CAST: variants seen among roughly 807,000 people sequenced by gnomAD.
CAST encodes calpastatin.
CAST carries 76 observed loss-of-function variants against 119.6 expected under a neutral mutation model. The ratio of observed to expected loss-of-function variants is 0.64; its 90% confidence interval spans 0.53 to 0.77. The LOEUF (loss-of-function observed/expected upper bound fraction) is 0.77, where lower values mean the gene tolerates loss of function less well. Among genes scored for constraint, CAST ranks in the 30% least tolerant of loss-of-function variants. CAST has a pLI of 0.00. For missense variants in CAST, 953 were observed against 946.5 expected, an observed-to-expected ratio of 1.01 and a Z score of -0.09; for synonymous variants, 319 against 331.6, an observed-to-expected ratio of 0.96 and a Z score of 0.41.
At chr5:96,090,857 A>G in the CAST span, among the ~76,000 whole-genome samples, 1 of 151,772 alleles carries the variant, frequency 6.6e-6, no homozygotes, top group Non-Finnish European at 1.5e-5. Flanking sequence ...ACACACATAC[A>G]TCAACTTCAG....
At chr5:95,981,093 T>C in the CAST span, among the ~76,000 whole-genome samples, 1 of 152,034 alleles carries the variant, frequency 6.6e-6, no homozygotes, top group Non-Finnish European at 1.5e-5. Context: ...TACAGGGAAG[T>C]GGGGCAGCTG....
the CAST span, among the ~76,000 whole-genome samples, chr5:96,193,359 T>C: frequency 6.6e-6 from 1 of 152,162 alleles, no homozygotes; most frequent in Non-Finnish European, 1.5e-5. Context: ...GATTTAAATA[T>C]GATACAGATG....
At chr5:96,262,860 AATCCCTGACCAAG>A in the CAST span, among the ~76,000 whole-genome samples, 1 of 152,048 alleles carries the variant, frequency 6.6e-6, no homozygotes, top group African/African-American at 2.4e-5. Flanking sequence ...AGCAGGGCCC[AATCCCTGACCAAG>A]GATAGGTCTT....
the CAST span, among the ~76,000 whole-genome samples, chr5:96,390,042 G>A: frequency 6.6e-6 from 1 of 152,208 alleles, no homozygotes; most frequent in Non-Finnish European, 1.5e-5. Context: ...CCTATTTGGT[G>A]AAATGTTGGG....
intron 1 of CAST, among the ~76,000 whole-genome samples, chr5:96,595,423 C>G (rs956033571): frequency 6.6e-6 from 1 of 152,200 alleles, no homozygotes; most frequent in Non-Finnish European, 1.5e-5. Flanking sequence ...ACTAGGGAAG[C>G]TGTGAATCAG....
At chr5:96,375,276 T>C in the CAST span, among the ~76,000 whole-genome samples, 2 of 152,192 alleles carry the variant, frequency 1.3e-5, no homozygotes, top group Non-Finnish European at 2.9e-5. Flanking sequence ...AATAAAGGAA[T>C]GTTTTGTCAA....
At chr5:96,227,038 T>C in the CAST span, among the ~76,000 whole-genome samples, 1 of 152,198 alleles carries the variant, frequency 6.6e-6, no homozygotes, top group African/African-American at 2.4e-5. Flanking sequence ...TAATCACATC[T>C]GGCATACAAA....
the CAST span, among the ~76,000 whole-genome samples, chr5:96,457,544 A>G: frequency 6.6e-6 from 1 of 152,056 alleles, no homozygotes; most frequent in Non-Finnish European, 1.5e-5. Flanking sequence ...TGCTCCAGCC[A>G]CCCTGGCTGC....
the CAST span, among the ~76,000 whole-genome samples, chr5:96,132,916 C>G: frequency 1.3e-5 from 2 of 151,986 alleles, no homozygotes; most frequent in African/African-American, 4.8e-5. Context: ...AGACAAGATG[C>G]TAAAAGGAAC....
chr5:96,316,717 T>C, the CAST span, among the ~76,000 whole-genome samples: 1 of 152,194 alleles, frequency 6.6e-6, no homozygotes, highest in Admixed American at 6.5e-5. Flanking sequence ...AGGATAATGA[T>C]GCAAGAAGAG....
At chr5:96,103,535 A>AT in the CAST span, among the ~76,000 whole-genome samples, 1 of 150,302 alleles carries the variant, frequency 6.7e-6, no homozygotes, top group Non-Finnish European at 1.5e-5. Flanking sequence ...TGAACTCATC[A>AT]TTTTTTATGG....
chr5:96,130,732 A>G, the CAST span, among the ~76,000 whole-genome samples: 3 of 152,102 alleles, frequency 2.0e-5, no homozygotes, highest in Non-Finnish European at 4.4e-5. Flanking sequence ...GCTATTTAAC[A>G]GGATATCTAC....
chr5:96,758,470 G>T (rs956201773), intron 24 of CAST, among the ~76,000 whole-genome samples: 2 of 152,114 alleles, frequency 1.3e-5, no homozygotes, highest in African/African-American at 4.8e-5. Flanking sequence ...ACCTTTTCTT[G>T]TGGGGTCTGG....
chr5:96,127,653 T>C, the CAST span, among the ~76,000 whole-genome samples: 6 of 152,136 alleles, frequency 3.9e-5, no homozygotes, highest in Non-Finnish European at 8.8e-5. Context: ...TCTTTTTTTG[T>C]TCCCAATTTC....
chr5:96,027,596 T>C, the CAST span, among the ~76,000 whole-genome samples: 1 of 152,074 alleles, frequency 6.6e-6, no homozygotes, highest in African/African-American at 2.4e-5. Context: ...GTGGAAACAA[T>C]GTAAATGAGC....
the CAST span, among the ~76,000 whole-genome samples, chr5:96,146,078 A>T: frequency 6.6e-6 from 1 of 152,212 alleles, no homozygotes; most frequent in Non-Finnish European, 1.5e-5. Flanking sequence ...TTACAGGCCC[A>T]ACTTATATTT....
At chr5:96,538,438 A>C (rs1053185343) in intron 1 of CAST, among the ~76,000 whole-genome samples, 1 of 152,244 alleles carries the variant, frequency 6.6e-6, no homozygotes, top group South Asian at 2.1e-4. Flanking sequence ...TTGGAAATCA[A>C]CTTGCTTTGG....
At chr5:96,725,950 T>C (rs979121620) in intron 4 of CAST, among the ~76,000 whole-genome samples, 1 of 152,196 alleles carries the variant, frequency 6.6e-6, no homozygotes, top group Non-Finnish European at 1.5e-5. Flanking sequence ...CAAAATAGTG[T>C]GTTAGCCTAG....
the CAST span, among the ~76,000 whole-genome samples, chr5:96,483,828 C>T: frequency 2.0e-5 from 3 of 152,120 alleles, no homozygotes; most frequent in Non-Finnish European, 2.9e-5. Context: ...AATAAGAGGA[C>T]AAGCTCAGAG....
Sources: allele counts gnomAD v4.1 joint callset (sites outside exome capture counted in the v4.1 genomes callset), GRCh38; gene constraint gnomAD v4.1.1; transcripts MANE v1.5; gene names NCBI Gene and HGNC (gene_info 2026-07-23, HGNC 2026-07-21).